Variants in DEAF1 observed in about 807,000 individuals in gnomAD.
DEAF1 encodes DEAF1 transcription factor, also known as deformed epidermal autoregulatory factor 1 homolog.
In DEAF1, 53 loss-of-function variants were observed where a neutral mutation model predicts 58.9. That is an observed-to-expected ratio of 0.90 (90% confidence interval 0.72 to 1.13). The LOEUF (loss-of-function observed/expected upper bound fraction) is 1.13. Among genes scored for constraint, DEAF1 ranks in the 50% most tolerant of loss-of-function variants. The probability of loss-of-function intolerance (pLI) is 0.00; values close to 1 mark genes in which losing one functional copy is unlikely to be tolerated. For synonymous variants in DEAF1, 385 were observed against 340.4 expected (o/e 1.13, Z -1.44); for missense variants, 685 against 791.4 (o/e 0.87, Z 1.61).
At chr11:668,501 C>T (rs1399059620) in intron 10 of DEAF1, among the ~76,000 whole-genome samples, 1 of 152,088 alleles carries the variant, frequency 6.6e-6, no homozygotes, top group African/African-American at 2.4e-5. Context: ...CAACCTCTAC[C>T]CCTGGGCTCC....
Position 644,872 on chromosome 11 carries a change from C to CA in DEAF1, c.1594-219dup, listed in dbSNP as rs1858409767. Among the ~76,000 whole-genome samples, 1 of 152,152 alleles carries CA rather than the reference C, an allele frequency of 6.6e-6. No individual in the cohort carries two copies. Among genetic ancestry groups the CA allele is most frequent in the Non-Finnish European group, 1.5e-5 (1 of 68,022 alleles). On this transcript the variant is annotated intron_variant, in intron 11 of 11. Transcript: ENST00000382409. The surrounding 1 kb of genome is among the most constrained non-coding windows in gnomAD (Gnocchi z 4.3). ...TGGTTTGAGGAATTGGATCAAAAGG[C>CA]AAACAACAGGCAGGGCACGGTGGCT... is the stretch of plus-strand genomic sequence containing the variant.
chr11:700,539 A>T, intron 1 of DEAF1: 1 of 1,226,412 alleles, frequency 8.2e-7, no homozygotes, highest in South Asian at 1.3e-5. Context: ...AAAAAAAAAA[A>T]AGGAAAAGGC....
At chr11:655,767 CAGG>C (rs1301608133) in intron 10 of DEAF1, among the ~76,000 whole-genome samples, 1 of 152,248 alleles carries the variant, frequency 6.6e-6, no homozygotes, top group Non-Finnish European at 1.5e-5. Flanking sequence ...CTTCAGAAAA[CAGG>C]AGCATTAGGA....
Position 679,695 on chromosome 11 carries a change from C to T in DEAF1, c.1119G>A (p.Gly373=), listed in dbSNP as rs1213375052. Reference sequence around the variant, plus strand: ...GGCACTGGAGCAGCTCACCTGTGGCCCCTGCGAAGACGTCGCCCTGGGCCG... The same window carrying T: ...GGCACTGGAGCAGCTCACCTGTGGCTCCTGCGAAGACGTCGCCCTGGGCCG... ...ESPAQGDVFA[G]ATVQEASVQP... is the part of the protein sequence containing the mutation. The change falls in exon 8 of 12, where the codon GGG becomes GGA. Residue 373 remains glycine, a synonymous_variant. Coordinates refer to ENST00000382409, the MANE Select transcript of DEAF1 (RefSeq NM_021008.4). 6.2e-7 allele frequency: 1 copy of T among 1,612,262 alleles called. No homozygotes were observed. Among genetic ancestry groups the T allele is most frequent in the Non-Finnish European group, 8.5e-7 (1 of 1,180,044 alleles).
intron 10 of DEAF1, chr11:674,267 T>C (rs1859958733): frequency 2.1e-6 from 1 of 475,760 alleles, no homozygotes. Context: ...AAGGTGAGTA[T>C]TCACAACGGC....
At chr11:685,834 G>A (rs1222434876) in intron 5 of DEAF1, among the ~76,000 whole-genome samples, 1 of 151,550 alleles carries the variant, frequency 6.6e-6, no homozygotes, top group Non-Finnish European at 1.5e-5. Context: ...TGACCAACAT[G>A]GTTGGTCTCC....
At position 644,657 on chromosome 11, in the gene DEAF1, G is replaced by A. The variant is rs1473101150; in HGVS notation, c.1594-3C>T. ...ATGTGCTGGTGATCCTTCCAGTCCT[G>A]GAAGGGAGGACACACCCATGTCAGC... On this transcript the variant is annotated splice_polypyrimidine_tract_variant and splice_region_variant and intron_variant, in intron 11 of 11. Coordinates refer to ENST00000382409, the MANE Select transcript of DEAF1 (RefSeq NM_021008.4). The surrounding 1 kb of genome is among the most constrained non-coding windows in gnomAD (Gnocchi z 4.3). The A allele has an allele frequency of 1.9e-6, 3 of 1,605,204 alleles. No homozygotes were observed. Among genetic ancestry groups the A allele is most frequent in the Non-Finnish European group, 2.5e-6 (3 of 1,176,914 alleles).
At chr11:661,678 C>A (rs1228564235) in intron 10 of DEAF1, among the ~76,000 whole-genome samples, 1 of 152,184 alleles carries the variant, frequency 6.6e-6, no homozygotes, top group Non-Finnish European at 1.5e-5. Flanking sequence ...CCACTGCACT[C>A]CAGCCTGGGC....
intron 10 of DEAF1, among the ~76,000 whole-genome samples, chr11:654,945 C>T (rs1486617255): frequency 6.6e-6 from 1 of 150,916 alleles, no homozygotes; most frequent in Non-Finnish European, 1.5e-5. Context: ...CTGAGGTGGG[C>T]GGATCACGAA....
chr11:690,148 C>T (rs967086176), intron 2 of DEAF1, among the ~76,000 whole-genome samples: 4 of 135,430 alleles, frequency 3.0e-5, no homozygotes, highest in Non-Finnish European at 6.4e-5. Flanking sequence ...ACATGGGGAA[C>T]CCAGGAGGTG....
At chr11:669,682 C>T (rs1367807768) in intron 10 of DEAF1, among the ~76,000 whole-genome samples, 3 of 151,604 alleles carry the variant, frequency 2.0e-5, no homozygotes, top group African/African-American at 4.8e-5. Flanking sequence ...GTAATCCCAG[C>T]ACTTTGGGAG....
upstream of DEAF1, chr11:700,221 T>C: frequency 6.2e-7 from 1 of 1,613,830 alleles, no homozygotes; most frequent in Non-Finnish European, 8.5e-7. Context: ...ACGCTCCTGA[T>C]GATCACGTAT....
intron 10 of DEAF1, among the ~76,000 whole-genome samples, chr11:660,037 G>T (rs918493830): frequency 1.3e-5 from 2 of 152,098 alleles, no homozygotes; most frequent in African/African-American, 4.8e-5. Flanking sequence ...CGGGACCACT[G>T]TGGCTTCACC....
chr11:658,202 G>A (rs1175486849), intron 10 of DEAF1, among the ~76,000 whole-genome samples: 2 of 152,224 alleles, frequency 1.3e-5, no homozygotes, highest in Non-Finnish European at 1.5e-5. Flanking sequence ...GCTGAGGCAG[G>A]CGGATCACGA....
chr11:648,565 C>A (rs1858609274), intron 11 of DEAF1, among the ~76,000 whole-genome samples: 1 of 152,062 alleles, frequency 6.6e-6, no homozygotes, highest in Non-Finnish European at 1.5e-5. Flanking sequence ...GGAGGTCCGG[C>A]TGGAAGGCAG....
intron 11 of DEAF1, among the ~76,000 whole-genome samples, chr11:653,442 G>C (rs1281004773): frequency 6.9e-6 from 1 of 144,090 alleles, no homozygotes; most frequent in South Asian, 2.2e-4. Flanking sequence ...CTCTCGCGTG[G>C]CTCTGCAGGG....
Position 688,182 on chromosome 11 carries a change from G to A in DEAF1, c.518-125C>T. 1.3e-6 allele frequency: 2 copies of A among 1,534,690 alleles called. No homozygotes were observed. The highest frequency in any genetic ancestry group is 2.4e-5 in the South Asian group (2 of 84,538). ...AACGGCGGAAAAACTTCTTGGTCAG[G>A]AAAATTCCAATGCTTTTACTTAAAA... On this transcript the variant is annotated intron_variant, in intron 3 of 11. Transcript: ENST00000382409. The surrounding 1 kb of genome is among the most constrained non-coding windows in gnomAD (Gnocchi z 4.3).
At chr11:655,169 C>T (rs779847011) in intron 10 of DEAF1, among the ~76,000 whole-genome samples, 8 of 152,262 alleles carry the variant, frequency 5.3e-5, no homozygotes, top group East Asian at 3.9e-4. Context: ...AGGAGTCCAC[C>T]GCTCCCAACA....
chr11:706,483 G>C (rs748141105), intron 1 of DEAF1: 5 of 152,232 alleles, frequency 3.3e-5, no homozygotes, highest in African/African-American at 4.8e-5. Flanking sequence ...TCTCCTGGAC[G>C]GGTCCTGCTG....
Sources: gnomAD v4.1 joint callset for allele counts (sites outside exome capture counted in the v4.1 genomes callset) on GRCh38, gnomAD v4.1.1 for gene constraint, Gnocchi (gnomAD v3.1) non-coding constraint, MANE v1.5 for transcripts, NCBI Gene and HGNC (gene_info 2026-07-23, HGNC 2026-07-21) for gene names.